GRK5: variants seen among roughly 807,000 people sequenced by gnomAD.
GRK5 encodes the protein G protein-coupled receptor kinase 5.
GRK5 carries 40 observed loss-of-function variants against 78.4 expected under a neutral mutation model. The observed-to-expected ratio is 0.51, with a 90% CI of 0.40 to 0.66. The LOEUF is 0.66. GRK5 is among the 30% of genes least tolerant of loss of function. GRK5 has a pLI of 0.00. For synonymous variants in GRK5, 289 were observed against 296.8 expected, an observed-to-expected ratio of 0.97 and a Z score of 0.27; for missense variants, 598 against 759.9, an observed-to-expected ratio of 0.79 and a Z score of 2.50.
chr10:119,423,656 C>T (rs1432123558), intron 5 of GRK5, among the ~76,000 whole-genome samples: 3 of 152,194 alleles, frequency 2.0e-5, no homozygotes, highest in Non-Finnish European at 4.4e-5. Context: ...CTGCAGGTGG[C>T]ACGTCTGCCG....
intron 1 of GRK5, among the ~76,000 whole-genome samples, chr10:119,249,285 C>CA (rs1849161155): frequency 6.9e-6 from 1 of 145,542 alleles, no homozygotes; most frequent in Admixed American, 7.3e-5. Context: ...AAACAAAAAA[C>CA]GAAAAACAAA....
chr10:119,325,492 C>T (rs1850659824), intron 1 of GRK5, among the ~76,000 whole-genome samples: 1 of 152,120 alleles, frequency 6.6e-6, no homozygotes, highest in African/African-American at 2.4e-5. Flanking sequence ...CCGGAGCAAG[C>T]AGACGAGCTA....
intron 1 of GRK5, chr10:119,211,547 C>G (rs1848486317): frequency 6.6e-6 from 1 of 152,160 alleles, no homozygotes; most frequent in African/African-American, 2.4e-5. Flanking sequence ...CTTTTCCTTT[C>G]TTCACAGGCC....
intron 2 of GRK5, among the ~76,000 whole-genome samples, chr10:119,365,964 C>T (rs114335442): frequency 0.021 from 3,216 of 152,288 alleles, 129 homozygotes; most frequent in African/African-American, 0.072. Flanking sequence ...ACTGGTCAAA[C>T]GTTATTGCAC....
chr10:119,452,771 T>C lies in GRK5; in HGVS notation c.1505T>C (p.Phe502Ser). ...DHTDDDFYSK[F>S]STGSVSIPWQ... ...ACAGACGACGACTTCTACTCCAAGTTCTCCACGGGCTCTGTGTCCATCCCA... is the reference window on the plus strand; with the variant it reads ...ACAGACGACGACTTCTACTCCAAGTCCTCCACGGGCTCTGTGTCCATCCCA... The change falls in exon 14 of 16, where the codon TTC becomes TCC. Residue 502 changes from phenylalanine to serine, a missense_variant. Transcript: ENST00000392870. The surrounding 1 kb of genome is among the most constrained non-coding windows in gnomAD (Gnocchi z 4.4). 1 of 1,532,054 alleles carries C rather than the reference T, an allele frequency of 6.5e-7. No homozygotes were observed. The highest frequency in any genetic ancestry group is 8.8e-7 in the Non-Finnish European group (1 of 1,130,248). 94.9% of individuals were successfully genotyped at this position (1,532,054 alleles called of 1,614,324 possible). A position where few individuals can be genotyped will look rare whatever the true frequency, so the allele number is the denominator to read the frequency against.
chr10:119,420,112 T>C (rs1480997394), intron 4 of GRK5, among the ~76,000 whole-genome samples: 2 of 152,182 alleles, frequency 1.3e-5, no homozygotes, highest in African/African-American at 4.8e-5. Context: ...GAAAATTGCT[T>C]AACCTTTCTG....
At chr10:119,285,907 T>C (rs1849840752) in intron 1 of GRK5, among the ~76,000 whole-genome samples, 1 of 152,080 alleles carries the variant, frequency 6.6e-6, no homozygotes, top group Non-Finnish European at 1.5e-5. Context: ...TGGGCAAGGC[T>C]CAGCTTCCCT....
chr10:119,275,619 A>T (rs1054169669), intron 1 of GRK5, among the ~76,000 whole-genome samples: 10 of 135,408 alleles, frequency 7.4e-5, no homozygotes, highest in South Asian at 4.9e-4. Context: ...TCTCGCACAC[A>T]CACACACACA....
intron 9 of GRK5, among the ~76,000 whole-genome samples, chr10:119,438,088 C>CAAAAT (rs778274927): frequency 1.3e-5 from 2 of 152,164 alleles, no homozygotes; most frequent in South Asian, 2.1e-4. Context: ...GACTCCGTCT[C>CAAAAT]AAAATAAAAT....
intron 2 of GRK5, among the ~76,000 whole-genome samples, chr10:119,376,803 G>T (rs1194856543): frequency 6.6e-6 from 1 of 152,090 alleles, no homozygotes; most frequent in East Asian, 1.9e-4. Context: ...CTGACCTCAG[G>T]TGATCCACCC....
chr10:119,361,825 G>T (rs1851367748), intron 2 of GRK5, among the ~76,000 whole-genome samples: 1 of 152,100 alleles, frequency 6.6e-6, no homozygotes, highest in Non-Finnish European at 1.5e-5. Flanking sequence ...GCCAGGCGTA[G>T]TGGCGTGCAC....
intron 4 of GRK5, 22 bp downstream of exon 4, chr10:119,396,794 A>G (rs766460436): frequency 1.9e-6 from 3 of 1,589,382 alleles, no homozygotes; most frequent in Non-Finnish European, 8.6e-7. Context: ...TCCAAACCCC[A>G]CAGCAGGTGG....
At chr10:119,444,976 G>T (rs963876309) in intron 12 of GRK5, among the ~76,000 whole-genome samples, 1 of 152,178 alleles carries the variant, frequency 6.6e-6, no homozygotes, top group Non-Finnish European at 1.5e-5. Context: ...CACCCCAGAG[G>T]CCCCTCTCCT....
At chr10:119,406,569 A>T (rs969149265) in intron 4 of GRK5, 2 of 690,050 alleles carry the variant, frequency 2.9e-6, no homozygotes, top group Non-Finnish European at 3.6e-6. Flanking sequence ...CCCGGCCCTC[A>T]TTTCCCAGTC....
At chr10:119,409,205 T>G (rs759555832) in intron 4 of GRK5, among the ~76,000 whole-genome samples, 172 of 152,338 alleles carry the variant, frequency 1.1e-3, no homozygotes, top group Non-Finnish European at 1.7e-3. Context: ...CGCGGCATAT[T>G]TCATGACTGT....
intron 1 of GRK5, among the ~76,000 whole-genome samples, chr10:119,255,287 A>G (rs994419382): frequency 3.2e-4 from 48 of 152,218 alleles, no homozygotes; most frequent in African/African-American, 1.1e-3. Context: ...TCTCAGGGGT[A>G]TCAGGGACCC....
intron 2 of GRK5, among the ~76,000 whole-genome samples, chr10:119,359,957 G>A (rs1851331713): frequency 6.6e-6 from 1 of 151,860 alleles, no homozygotes; most frequent in Non-Finnish European, 1.5e-5. Flanking sequence ...AGGCTGAGGG[G>A]GCTTGAGGAG....
Position 119,271,157 on chromosome 10 carries a change from G to A in GRK5, c.53-55359G>A, listed in dbSNP as rs1419735196. On this transcript the variant is annotated intron_variant, in intron 1 of 15. Coordinates refer to ENST00000392870, the MANE Select transcript of GRK5 (RefSeq NM_005308.3). This position sits in a 1 kb window ranked among gnomAD's most constrained non-coding sequence, Gnocchi z 4.1. ...CAGGACCTGGGGTGGCGCCGGCGCC[G>A]TTAGGGAGGGAGTGTTCACCGGAAA... Among the ~76,000 whole-genome samples, 1 of 152,216 alleles carries A rather than the reference G, an allele frequency of 6.6e-6. No individual in the cohort carries two copies. The highest frequency in any genetic ancestry group is 2.4e-5 in the African/African-American group (1 of 41,462).
chr10:119,295,189 CAAAAAAAA>C (rs35333246), intron 1 of GRK5, among the ~76,000 whole-genome samples: 1 of 81,096 alleles, frequency 1.2e-5, no homozygotes, highest in Non-Finnish European at 2.4e-5. Context: ...GACTCAGTCT[CAAAAAAAA>C]AAAAAAAAAA....
Sources: gnomAD v4.1 joint callset for allele counts (sites outside exome capture counted in the v4.1 genomes callset) on GRCh38, gnomAD v4.1.1 for gene constraint, Gnocchi (gnomAD v3.1) non-coding constraint, MANE v1.5 for transcripts, NCBI Gene and HGNC (gene_info 2026-07-23, HGNC 2026-07-21) for gene names.